Variants in NAALADL2 observed in about 807,000 individuals in gnomAD.
NAALADL2 encodes the protein N-acetylated alpha-linked acidic dipeptidase like 2.
In NAALADL2, 76 loss-of-function variants were observed where a neutral mutation model predicts 87.2. The observed-to-expected ratio is 0.87, with a 90% confidence interval of 0.72 to 1.05. NAALADL2 has a LOEUF of 1.05. Ranked by LOEUF, NAALADL2 falls within the 50% of genes least tolerant of loss-of-function variation. The pLI is 0.00. For synonymous variants in NAALADL2, 354 were observed against 331.0 expected (o/e 1.07, Z -0.75); for missense variants, 1,089 against 945.8 (o/e 1.15, Z -1.99).
At chr3:174,720,933 T>C (rs1252090013) in intron 2 of NAALADL2, among the ~76,000 whole-genome samples, 4 of 152,222 alleles carry the variant, frequency 2.6e-5, no homozygotes, top group Admixed American at 6.5e-5. Flanking sequence ...TTTCCGGTGC[T>C]TGACTTTAAA....
intron 2 of NAALADL2, among the ~76,000 whole-genome samples, chr3:175,232,538 TTAACAC>T (rs1345316167): frequency 3.9e-5 from 6 of 152,158 alleles, no homozygotes; most frequent in Non-Finnish European, 7.3e-5. Context: ...ATAAAATACA[TTAACAC>T]TAACAATAGC....
rs1055486236 is a variant in NAALADL2, at chr3:174,514,271, A to G, written c.-183-36298A>G. Among the ~76,000 whole-genome samples, 4 of 152,272 alleles carry G rather than the reference A, an allele frequency of 2.6e-5. No individual in the cohort carries two copies. The East Asian group carries it at 7.7e-4, about 29-fold the overall frequency. ...GTGAATGTGTATTGTTCCTAGCTTTAACGGCTGTGGTCGCACTTCACATGC... is the reference window on the plus strand; with the variant it reads ...GTGAATGTGTATTGTTCCTAGCTTTGACGGCTGTGGTCGCACTTCACATGC... On this transcript the variant is annotated intron_variant, in intron 1 of 3. Transcript: ENST00000434257.
chr3:174,882,370 A>G (rs1374971638), intron 1 of NAALADL2, among the ~76,000 whole-genome samples: 1 of 151,876 alleles, frequency 6.6e-6, no homozygotes, highest in Non-Finnish European at 1.5e-5. Flanking sequence ...TTAACTTGAT[A>G]TATTAGGGTT....
intron 1 of NAALADL2, among the ~76,000 whole-genome samples, chr3:174,525,649 T>C (rs898606763): frequency 2.0e-5 from 3 of 152,242 alleles, no homozygotes; most frequent in African/African-American, 4.8e-5. Flanking sequence ...ATCATAGCTG[T>C]ATTTTTAATG....
rs1025207298 is a variant in NAALADL2, at chr3:175,805,191, G to A, written c.*1988G>A. The A allele has an allele frequency of 1.3e-5, 2 of 151,990 alleles. No homozygotes were observed. Among genetic ancestry groups the A allele is most frequent in the East Asian group, 3.9e-4 (2 of 5,172 alleles). The allele number at this position is 151,990 out of a possible 1,614,324, so 9.4% of individuals were successfully genotyped here. On this transcript the variant is annotated 3_prime_UTR_variant, in exon 14 of 14. Coordinates refer to ENST00000454872, the MANE Select transcript of NAALADL2 (RefSeq NM_207015.3). Reference sequence around the variant, plus strand: ...ATGAAACTAAAACAAATAAAGGCAAGCTATTATCAGTTTGGTAGTTCATTA... The same window carrying A: ...ATGAAACTAAAACAAATAAAGGCAAACTATTATCAGTTTGGTAGTTCATTA...
intron 3 of NAALADL2, among the ~76,000 whole-genome samples, chr3:174,751,217 T>A (rs532895603): frequency 2.6e-5 from 4 of 152,090 alleles, no homozygotes; most frequent in African/African-American, 9.7e-5. Flanking sequence ...ATATATTATA[T>A]CATATGAAGG....
chr3:175,392,081 C>T (rs905760436), intron 5 of NAALADL2, among the ~76,000 whole-genome samples: 6 of 152,242 alleles, frequency 3.9e-5, no homozygotes, highest in East Asian at 3.9e-4. Context: ...TAAGAAACAG[C>T]GTCCTATATT....
At chr3:175,765,522 A>G (rs1748574011) in intron 13 of NAALADL2, among the ~76,000 whole-genome samples, 1 of 152,156 alleles carries the variant, frequency 6.6e-6, no homozygotes, top group Non-Finnish European at 1.5e-5. Context: ...TTCAGTTGAC[A>G]ATGAAATAAG....
chr3:175,742,633 A>G (rs914580074), intron 12 of NAALADL2, among the ~76,000 whole-genome samples: 6 of 152,088 alleles, frequency 3.9e-5, no homozygotes, highest in African/African-American at 1.2e-4. Flanking sequence ...TCCTGACCCC[A>G]TGATCCGCCC....
intron 1 of NAALADL2, among the ~76,000 whole-genome samples, chr3:174,921,734 G>T (rs993229965): frequency 2.0e-5 from 3 of 149,908 alleles, no homozygotes; most frequent in Non-Finnish European, 4.4e-5. Context: ...GAATCTGGGA[G>T]GCAGAGCTTG....
At chr3:174,750,068 G>C (rs1358983006) in intron 3 of NAALADL2, among the ~76,000 whole-genome samples, 1 of 152,134 alleles carries the variant, frequency 6.6e-6, no homozygotes, top group African/African-American at 2.4e-5. Flanking sequence ...CGTGTCTCCA[G>C]TCTTTCCAGT....
chr3:175,012,917 A>T (rs981838417), intron 1 of NAALADL2, among the ~76,000 whole-genome samples: 4 of 149,270 alleles, frequency 2.7e-5, no homozygotes, highest in Admixed American at 6.8e-5. Flanking sequence ...ATGTAGAAAC[A>T]GATGTATACA....
intron 2 of NAALADL2, among the ~76,000 whole-genome samples, chr3:174,697,510 A>G (rs1425308852): frequency 6.6e-6 from 1 of 152,240 alleles, no homozygotes; most frequent in East Asian, 1.9e-4. Flanking sequence ...CACACAATAA[A>G]CAGGCTTAAT....
At chr3:174,707,608 G>A (rs1283860863) in intron 2 of NAALADL2, among the ~76,000 whole-genome samples, 1 of 142,136 alleles carries the variant, frequency 7.0e-6, no homozygotes, top group Admixed American at 7.3e-5. Context: ...AGAACGCCTG[G>A]ACACAGGAAG....
intron 1 of NAALADL2, among the ~76,000 whole-genome samples, chr3:174,949,500 T>A (rs1740002681): frequency 6.6e-6 from 1 of 152,122 alleles, no homozygotes; most frequent in Admixed American, 6.5e-5. Flanking sequence ...TAATTTTTTA[T>A]ATTGGTGTAA....
At chr3:175,113,672 A>C (rs1268225800) in intron 2 of NAALADL2, among the ~76,000 whole-genome samples, 3 of 151,426 alleles carry the variant, frequency 2.0e-5, no homozygotes, top group Non-Finnish European at 3.0e-5. Flanking sequence ...CCCATTTCCA[A>C]CAAGTGATGA....
At chr3:174,552,795 CAAAAAAAAAAAA>C (rs1164243901) in intron 2 of NAALADL2, among the ~76,000 whole-genome samples, 5 of 55,974 alleles carry the variant, frequency 8.9e-5, no homozygotes, top group African/African-American at 1.1e-4. Context: ...GACCCTGCCT[CAAAAAAAAAAAA>C]AAAAAAAAAA....
intron 13 of NAALADL2, among the ~76,000 whole-genome samples, 166 bp from the exon 14 acceptor site, chr3:175,802,839 G>A (rs1754348301): frequency 6.6e-6 from 1 of 151,748 alleles, no homozygotes; most frequent in African/African-American, 2.4e-5. Context: ...GGTGATCAAT[G>A]TCTAAATTTG....
chr3:175,742,342 A>C (rs1199434914), intron 12 of NAALADL2, among the ~76,000 whole-genome samples: 1 of 152,154 alleles, frequency 6.6e-6, no homozygotes, highest in Non-Finnish European at 1.5e-5. Flanking sequence ...TTCCTTTCAC[A>C]CAAGAGAAAG....
Sources: allele counts gnomAD v4.1 joint callset (sites outside exome capture counted in the v4.1 genomes callset), GRCh38; gene constraint gnomAD v4.1.1; transcripts MANE v1.5; gene names NCBI Gene and HGNC (gene_info 2026-07-23, HGNC 2026-07-21).